Variants in SHANK2 observed in about 807,000 individuals in gnomAD.
SHANK2 encodes the protein SH3 and multiple ankyrin repeat domains protein 2.
In SHANK2, 43 loss-of-function variants were observed where a neutral mutation model predicts 133.7. The observed-to-expected ratio is 0.32, with a 90% CI of 0.25 to 0.41. SHANK2 has a LOEUF of 0.41. Ranked by LOEUF, SHANK2 falls within the 10% of genes least tolerant of loss-of-function variation. The pLI is 1.00. For missense variants in SHANK2, 1,994 were observed against 2,235.8 expected, an observed-to-expected ratio of 0.89 and a Z score of 2.18; for synonymous variants, 1,017 against 952.8, an observed-to-expected ratio of 1.07 and a Z score of -1.24.
In SHANK2 at chr11:70,599,905, G is replaced by GAAAGAGAAAGAA. The variant is rs1466206835; in HGVS notation, c.2061+59922_2061+59923insTTCTTTCTCTTT. On this transcript the variant is annotated intron_variant, in intron 17 of 25. Transcript: ENST00000601538. ...AAAGAAAGAAAAAGAAAGAAAGAAA[G>GAAAGAGAAAGAA]AGAAAGAAAGAAAGAAAGAAAGAAA... is the stretch of plus-strand genomic sequence containing the variant. Among the ~76,000 whole-genome samples, 141 of 73,738 alleles carry GAAAGAGAAAGAA rather than the reference G, an allele frequency of 1.9e-3. 1 individual carries two copies. Among genetic ancestry groups the GAAAGAGAAAGAA allele is most frequent in the African/African-American group, 3.9e-3 (65 of 16,544 alleles). The allele number at this position is 73,738 out of a possible 152,430, so 48.4% of individuals were successfully genotyped here.
At chr11:70,560,700 C>T (rs181944024) in intron 17 of SHANK2, among the ~76,000 whole-genome samples, 3 of 150,850 alleles carry the variant, frequency 2.0e-5, no homozygotes, top group South Asian at 2.1e-4. Flanking sequence ...GGCACGATCT[C>T]GGCTCACTGT....
chr11:71,128,347 G>A (rs1408165272), intron 3 of SHANK2, among the ~76,000 whole-genome samples: 1 of 152,196 alleles, frequency 6.6e-6, no homozygotes, highest in Non-Finnish European at 1.5e-5. Flanking sequence ...GGCCCAAGGG[G>A]CTCAAGACAC....
At chr11:70,578,959 C>T (rs1554984828) in intron 17 of SHANK2, among the ~76,000 whole-genome samples, 1 of 152,192 alleles carries the variant, frequency 6.6e-6, no homozygotes, top group Non-Finnish European at 1.5e-5. Context: ...ACCTCAGCAC[C>T]AGCCGGGCGA....
At chr11:70,714,259 A>G (rs1945861484) in intron 14 of SHANK2, among the ~76,000 whole-genome samples, 1 of 152,232 alleles carries the variant, frequency 6.6e-6, no homozygotes, top group South Asian at 2.1e-4. Flanking sequence ...AAGGAGAGAA[A>G]GAGCCACATG....
At position 70,808,002 on chromosome 11, in the gene SHANK2, G is replaced by A. The variant is rs552437753; in HGVS notation, c.1494-831C>T. ...GAAAGTAGAATGGCGGGTGCCGGGGGCTGGTGGAGAGAATGGGGAGTGAGG... is the reference window on the plus strand; with the variant it reads ...GAAAGTAGAATGGCGGGTGCCGGGGACTGGTGGAGAGAATGGGGAGTGAGG... On this transcript the variant is annotated intron_variant, in intron 12 of 25. Transcript: ENST00000601538. Among the ~76,000 whole-genome samples, 484 of 152,250 alleles carry A rather than the reference G, an allele frequency of 3.2e-3. 1 individual carries two copies. The highest frequency in any genetic ancestry group is 5.8e-3 in the Non-Finnish European group (392 of 68,024).
chr11:70,840,451 A>T (rs1370741165), intron 11 of SHANK2, among the ~76,000 whole-genome samples: 1 of 152,190 alleles, frequency 6.6e-6, no homozygotes, highest in East Asian at 1.9e-4. Context: ...TTCAGGCTGC[A>T]AGATCCCCCC....
At chr11:71,178,452 T>A (rs1467817323) in intron 2 of SHANK2, among the ~76,000 whole-genome samples, 1 of 152,210 alleles carries the variant, frequency 6.6e-6, no homozygotes, top group South Asian at 2.1e-4. Context: ...TATTGTTTAA[T>A]GGGCACAGAG....
At chr11:71,217,537 G>T (rs781896462) in intron 2 of SHANK2, among the ~76,000 whole-genome samples, 7 of 152,080 alleles carry the variant, frequency 4.6e-5, no homozygotes, top group African/African-American at 7.2e-5. Flanking sequence ...AACAGCCTCA[G>T]GCAGGTCTTC....
At chr11:70,955,422 GGTGTGT>G (rs1186144718) in intron 10 of SHANK2, among the ~76,000 whole-genome samples, 2,337 of 145,924 alleles carry the variant, frequency 0.016, 30 homozygotes, top group Middle Eastern at 0.024. Context: ...AGACCCACGG[GGTGTGT>G]GTGTGTGTGT....
At chr11:70,482,062 C>A (rs781791918) in intron 25 of SHANK2, among the ~76,000 whole-genome samples, 3 of 152,250 alleles carry the variant, frequency 2.0e-5, no homozygotes, top group Non-Finnish European at 2.9e-5. Context: ...CCCAAGTGCT[C>A]AGCCTGGTGA....
intron 11 of SHANK2, among the ~76,000 whole-genome samples, chr11:70,877,742 C>T (rs1949591914): frequency 6.6e-6 from 1 of 152,188 alleles, no homozygotes; most frequent in Non-Finnish European, 1.5e-5. Context: ...GAGTAAGAAG[C>T]TTACTTACTC....
intron 21 of SHANK2, among the ~76,000 whole-genome samples, chr11:70,496,138 T>G (rs1169876522): frequency 6.6e-6 from 1 of 151,944 alleles, no homozygotes; most frequent in Non-Finnish European, 1.5e-5. Flanking sequence ...CGCAGGTGGG[T>G]GTGGGAAGGC....
chr11:70,651,318 G>A (rs1308816813), intron 17 of SHANK2, among the ~76,000 whole-genome samples: 5 of 152,252 alleles, frequency 3.3e-5, no homozygotes, highest in Middle Eastern at 6.8e-3. Context: ...TGCAGTTGCC[G>A]AGCTGCCCGC....
intron 1 of SHANK2, among the ~76,000 whole-genome samples, chr11:71,248,650 T>C (rs1036140941): frequency 6.6e-6 from 1 of 152,184 alleles, no homozygotes; most frequent in Admixed American, 6.5e-5. Flanking sequence ...TCTCACTACC[T>C]GCGCTGCAGC....
chr11:70,713,708 C>T (rs1396308628), intron 14 of SHANK2, among the ~76,000 whole-genome samples: 1 of 152,216 alleles, frequency 6.6e-6, no homozygotes, highest in African/African-American at 2.4e-5. Flanking sequence ...TCCGTCACAG[C>T]GCCGGGTGTC....
At chr11:70,783,283 C>T (rs1291359452) in intron 14 of SHANK2, among the ~76,000 whole-genome samples, 3 of 152,218 alleles carry the variant, frequency 2.0e-5, no homozygotes, top group East Asian at 3.9e-4. Context: ...AAGCAGAGGA[C>T]GTGTCCAGCC....
At chr11:70,682,536 G>C (rs530879290) in intron 15 of SHANK2, among the ~76,000 whole-genome samples, 1 of 152,364 alleles carries the variant, frequency 6.6e-6, no homozygotes, top group African/African-American at 2.4e-5. Flanking sequence ...GCCCCTTCTG[G>C]GAAGTGGGAC....
At chr11:70,668,610 T>G (rs904527720) in intron 15 of SHANK2, 4 of 152,336 alleles carry the variant, frequency 2.6e-5, no homozygotes, top group Non-Finnish European at 5.9e-5. Context: ...GTGAGGAAGA[T>G]AAACATCAAT....
chr11:70,652,066 C>A (rs2061345214), intron 17 of SHANK2, among the ~76,000 whole-genome samples: 1 of 152,254 alleles, frequency 6.6e-6, no homozygotes, highest in South Asian at 2.1e-4. Flanking sequence ...GGGCTCTGGC[C>A]TTGGCCCTGG....
Sources: gnomAD v4.1 joint callset for allele counts (sites outside exome capture counted in the v4.1 genomes callset) on GRCh38, gnomAD v4.1.1 for gene constraint, MANE v1.5 for transcripts, NCBI Gene and HGNC (gene_info 2026-07-23, HGNC 2026-07-21) for gene names.